Variants in MTPAP observed in about 807,000 individuals in gnomAD.
MTPAP encodes the protein mitochondrial poly(A) polymerase.
MTPAP carries 23 observed loss-of-function variants against 48.7 expected under a neutral mutation model. That is an observed-to-expected ratio of 0.47 (90% CI 0.34 to 0.67). MTPAP has a LOEUF of 0.67. Ranked by LOEUF, MTPAP falls within the 30% of genes least tolerant of loss-of-function variation. The pLI is 0.01. For synonymous variants in MTPAP, 257 were observed against 254.1 expected (o/e 1.01, Z -0.11); for missense variants, 614 against 694.3 (o/e 0.88, Z 1.30).
intron 1 of MTPAP, among the ~76,000 whole-genome samples, chr10:30,348,122 T>C (rs1157340604): frequency 6.6e-6 from 1 of 152,248 alleles, no homozygotes; most frequent in African/African-American, 2.4e-5. Flanking sequence ...AATAGCTTTT[T>C]TGGCAGAATC....
At chr10:30,339,911 GAA>G in intron 3 of MTPAP, 4 of 365,344 alleles carry the variant, frequency 1.1e-5, no homozygotes, top group Admixed American at 4.2e-5. Context: ...GGAGGGGAAA[GAA>G]AAAGACATTA....
rs1456099833 is a variant in MTPAP, at chr10:30,312,748, G to C, written c.*861C>G. ...CTGGAACCAATTTTCTGCATATACTGAGAGACAAATATGTCTCTTTCCTGC... is the reference window on the plus strand; with the variant it reads ...CTGGAACCAATTTTCTGCATATACTCAGAGACAAATATGTCTCTTTCCTGC... On this transcript the variant is annotated 3_prime_UTR_variant, in exon 9 of 9. Transcript: ENST00000263063. 1 of 152,072 alleles carries C rather than the reference G, an allele frequency of 6.6e-6. No homozygotes were observed. The highest frequency in any genetic ancestry group is 6.6e-5 in the Admixed American group (1 of 15,252). The allele number at this position is 152,072 out of a possible 1,614,324, so 9.4% of individuals were successfully genotyped here.
At chr10:30,321,848 G>A (rs1433502033) in intron 6 of MTPAP, among the ~76,000 whole-genome samples, 1 of 152,122 alleles carries the variant, frequency 6.6e-6, no homozygotes, top group African/African-American at 2.4e-5. Context: ...CCTCAGCAAG[G>A]CTGAGGCACA....
chr10:30,326,763 A>T (rs1834603213), intron 4 of MTPAP, 128 bp from the exon 5 acceptor site: 4 of 737,414 alleles, frequency 5.4e-6, no homozygotes, highest in Non-Finnish European at 9.0e-6. Flanking sequence ...AACAACCCAC[A>T]AAATAAAAAC....
At chr10:30,343,971 T>C (rs1834841269) in intron 1 of MTPAP, among the ~76,000 whole-genome samples, 1 of 152,260 alleles carries the variant, frequency 6.6e-6, no homozygotes, top group Non-Finnish European at 1.5e-5. Flanking sequence ...ATCTGACTCC[T>C]AAACTAGTCT....
In MTPAP at chr10:30,313,553, A is replaced by C. The variant is rs915994428; in HGVS notation, c.*56T>G. On this transcript the variant is annotated 3_prime_UTR_variant, in exon 9 of 9. Coordinates refer to ENST00000263063, the MANE Select transcript of MTPAP (RefSeq NM_018109.4). The stretch of plus-strand genomic sequence containing the variant: ...AAGTTTCAAATCAGTTTTTCCAAGT[A>C]AGTCCACAGACCATTTGATAGGCTA... 53 of 1,608,332 alleles carry C rather than the reference A, an allele frequency of 3.3e-5. No individual in the cohort carries two copies. The highest frequency in any genetic ancestry group is 4.3e-5 in the Non-Finnish European group (51 of 1,176,246).
chr10:30,313,211 T>G lies in MTPAP; in HGVS notation c.*398A>C, dbSNP rs1245317486. ...CATTTGTTTAGTATATTTACCTATTTAGTTAAAGCACATTACAATAATCTT... is the reference window on the plus strand; with the variant it reads ...CATTTGTTTAGTATATTTACCTATTGAGTTAAAGCACATTACAATAATCTT... On this transcript the variant is annotated 3_prime_UTR_variant, in exon 9 of 9. Coordinates refer to ENST00000263063, the MANE Select transcript of MTPAP (RefSeq NM_018109.4). 1.6e-5 allele frequency: 3 copies of G among 189,682 alleles called. No individual in the cohort carries two copies. The South Asian group carries it at 2.5e-4, about 16-fold the overall frequency. 11.7% of individuals were successfully genotyped at this position (189,682 alleles called of 1,614,324 possible).
In MTPAP at chr10:30,336,785, C is replaced by A; in HGVS notation, c.780+18G>T. The A allele has an allele frequency of 2.6e-6, 4 of 1,562,388 alleles. No homozygotes were observed. In the South Asian group the frequency reaches 4.5e-5, roughly 17 times the overall value. ...CTTAACTTTACATGATTATAGTGGT[C>A]AAAAGAAATAGACTTACCTTGTGAG... On this transcript the variant is annotated intron_variant, in intron 4 of 8. Transcript: ENST00000263063.
intron 6 of MTPAP, among the ~76,000 whole-genome samples, chr10:30,321,439 G>C (rs1397882082): frequency 1.3e-5 from 2 of 152,078 alleles, no homozygotes; most frequent in Non-Finnish European, 2.9e-5. Flanking sequence ...TTCTAATATG[G>C]ATAAAGGAAG....
At chr10:30,344,489 T>G (rs1208591865) in intron 1 of MTPAP, among the ~76,000 whole-genome samples, 1 of 152,194 alleles carries the variant, frequency 6.6e-6, no homozygotes, top group East Asian at 1.9e-4. Context: ...TCTTCCATAT[T>G]GAGGGCAGAG....
chr10:30,330,241 A>C (rs1040362710), intron 4 of MTPAP, among the ~76,000 whole-genome samples: 5 of 152,240 alleles, frequency 3.3e-5, no homozygotes, highest in African/African-American at 1.2e-4. Context: ...TAAAATTTCA[A>C]GATTCTTCCT....
intron 6 of MTPAP, among the ~76,000 whole-genome samples, chr10:30,319,253 T>C (rs1375842753): frequency 6.6e-6 from 1 of 152,054 alleles, no homozygotes; most frequent in Non-Finnish European, 1.5e-5. Flanking sequence ...TGTGAAAAAG[T>C]TTGGTCTTTA....
At chr10:30,348,226 A>G (rs1335683158) in intron 1 of MTPAP, among the ~76,000 whole-genome samples, 1 of 152,202 alleles carries the variant, frequency 6.6e-6, no homozygotes, top group East Asian at 1.9e-4. Flanking sequence ...ATACATAAAG[A>G]TTTCTCACTG....
intron 3 of MTPAP, among the ~76,000 whole-genome samples, chr10:30,338,083 C>A (rs1240779261): frequency 6.6e-6 from 1 of 151,356 alleles, no homozygotes; most frequent in African/African-American, 2.4e-5. Context: ...CGTGATGAAA[C>A]CCTGACTCTA....
chr10:30,316,429 G>T (rs1051133923), intron 6 of MTPAP, among the ~76,000 whole-genome samples: 2 of 151,344 alleles, frequency 1.3e-5, no homozygotes, highest in African/African-American at 4.8e-5. Context: ...TTTTAATAGG[G>T]ATGGGGTTTT....
At position 30,316,002 on chromosome 10, in the gene MTPAP, G is replaced by T; in HGVS notation, c.1347C>A (p.Gly449=). ...TGGAATTTTTATCGAAAGCAAAATT[G>T]CCAAAATACTCAAAAAATTCCTTCA... is the stretch of plus-strand genomic sequence containing the variant. ...LLLKEFFEYF[G]NFAFDKNSIN... The change falls in exon 8 of 9, where the codon GGC becomes GGA. Residue 449 remains glycine (G), a synonymous_variant. Transcript: ENST00000263063. 6.2e-7 allele frequency: 1 copy of T among 1,608,568 alleles called. No individual in the cohort carries two copies. Among genetic ancestry groups the T allele is most frequent in the Non-Finnish European group, 8.5e-7 (1 of 1,176,140 alleles).
At chr10:30,346,576 G>A (rs986507406) in intron 1 of MTPAP, among the ~76,000 whole-genome samples, 4 of 152,106 alleles carry the variant, frequency 2.6e-5, no homozygotes, top group Non-Finnish European at 5.9e-5. Flanking sequence ...AGATAGACAG[G>A]GTAGGTATCA....
chr10:30,317,286 C>T (rs970703759), intron 6 of MTPAP, among the ~76,000 whole-genome samples: 2 of 152,160 alleles, frequency 1.3e-5, no homozygotes, highest in Non-Finnish European at 2.9e-5. Context: ...TTCAGCACTA[C>T]CTCTAGTCAA....
chr10:30,344,895 A>G (rs11008001), intron 1 of MTPAP, among the ~76,000 whole-genome samples: 18,421 of 152,054 alleles, frequency 0.12, 2,043 homozygotes, highest in East Asian at 0.52. Context: ...GTAGAGAAGG[A>G]GTTTCACCAT....
Sources: allele counts gnomAD v4.1 joint callset (sites outside exome capture counted in the v4.1 genomes callset), GRCh38; gene constraint gnomAD v4.1.1; transcripts MANE v1.5; gene names NCBI Gene and HGNC (gene_info 2026-07-23, HGNC 2026-07-21).